The following TBC1D4 variants were observed in gnomAD, a reference collection of about 807,000 sequenced individuals.
The protein encoded by TBC1D4 is TBC1 domain family member 4.
TBC1D4 carries 121 observed loss-of-function variants against 142.5 expected under a neutral mutation model. That is an observed-to-expected ratio of 0.85 (90% CI 0.73 to 0.99). The LOEUF (loss-of-function observed/expected upper bound fraction) is 0.99, where lower values mean the gene tolerates loss of function less well. Among genes scored for constraint, TBC1D4 ranks in the 50% least tolerant of loss-of-function variants. The pLI is 0.00. For missense variants in TBC1D4, 1,475 were observed against 1,606.6 expected, an observed-to-expected ratio of 0.92 and a Z score of 1.40; for synonymous variants, 630 against 628.2, an observed-to-expected ratio of 1.00 and a Z score of -0.04.
At chr13:75,321,638 C>A (rs753373430) in intron 11 of TBC1D4, among the ~76,000 whole-genome samples, 2 of 152,104 alleles carry the variant, frequency 1.3e-5, no homozygotes, top group Non-Finnish European at 2.9e-5. Context: ...AAGTGACTTA[C>A]TAGTTCAGAT....
chr13:75,310,261 A>C, intron 13 of TBC1D4, 110 bp from the exon 14 acceptor site: 4 of 1,127,478 alleles, frequency 3.5e-6, no homozygotes, highest in Non-Finnish European at 5.2e-6. Context: ...AATGTCACAA[A>C]GCCGCTTTCC....
chr13:75,412,028 T>C (rs553452021), intron 1 of TBC1D4, among the ~76,000 whole-genome samples: 1 of 152,176 alleles, frequency 6.6e-6, no homozygotes, highest in Non-Finnish European at 1.5e-5. Context: ...TTCAAACAAG[T>C]TGGGGGGTAG....
In TBC1D4 at chr13:75,393,927, C is replaced by CA. The variant is rs57675298; in HGVS notation, c.499-31321dup. ...GGGCAACAAGAGCAAAACTCTGTCT[C>CA]AAAAAAAAAAAAACAAAAAAACAAA... is the stretch of plus-strand genomic sequence containing the variant. On this transcript the variant is annotated intron_variant, in intron 1 of 20. Coordinates refer to ENST00000377636, the MANE Select transcript of TBC1D4 (RefSeq NM_014832.5). Among the ~76,000 whole-genome samples, 314 of 135,946 alleles carry CA rather than the reference C, an allele frequency of 2.3e-3. 2 individuals are homozygous for CA. Among genetic ancestry groups the CA allele is most frequent in the East Asian group, 7.9e-3 (35 of 4,416 alleles). The allele number at this position is 135,946 out of a possible 152,430, so 89.2% of individuals were successfully genotyped here.
intron 1 of TBC1D4, among the ~76,000 whole-genome samples, chr13:75,366,675 C>T (rs1882928477): frequency 1.9e-5 from 1 of 53,282 alleles, no homozygotes; most frequent in African/African-American, 8.3e-5. Context: ...CAATTCCTCA[C>T]TCTAGACAAA....
chr13:75,304,085 T>C (rs1876898775), intron 15 of TBC1D4, among the ~76,000 whole-genome samples: 3 of 152,220 alleles, frequency 2.0e-5, no homozygotes, highest in Admixed American at 1.3e-4. Flanking sequence ...AAATGGTCCT[T>C]GAGAATAGCA....
intron 19 of TBC1D4, among the ~76,000 whole-genome samples, chr13:75,290,932 C>T (rs1875230002): frequency 6.6e-6 from 1 of 152,186 alleles, no homozygotes; most frequent in Non-Finnish European, 1.5e-5. Context: ...TATCGTCTTT[C>T]TGCCATCAAA....
intron 1 of TBC1D4, among the ~76,000 whole-genome samples, chr13:75,428,741 A>G (rs1438945298): frequency 1.3e-5 from 2 of 152,232 alleles, no homozygotes; most frequent in Non-Finnish European, 2.9e-5. Context: ...CAACATTGCA[A>G]AAGTCTTTGC....
chr13:75,419,277 C>A (rs1355817050), intron 1 of TBC1D4, among the ~76,000 whole-genome samples: 1 of 152,144 alleles, frequency 6.6e-6, no homozygotes, highest in Non-Finnish European at 1.5e-5. Context: ...AATCATTTGG[C>A]CTCTCTACCG....
intron 1 of TBC1D4, among the ~76,000 whole-genome samples, chr13:75,391,240 A>T (rs957328615): frequency 1.9e-4 from 28 of 150,146 alleles, no homozygotes; most frequent in African/African-American, 6.1e-4. Context: ...TTTATCTCTC[A>T]TCCTAAAAGA....
chr13:75,419,655 G>A (rs533300556), intron 1 of TBC1D4, among the ~76,000 whole-genome samples: 1 of 152,280 alleles, frequency 6.6e-6, no homozygotes, highest in South Asian at 2.1e-4. Flanking sequence ...CTTCCACAGA[G>A]GGAGGCTGAA....
chr13:75,348,939 T>TAGAG (rs755430210), intron 5 of TBC1D4, among the ~76,000 whole-genome samples: 60 of 131,208 alleles, frequency 4.6e-4, no homozygotes, highest in African/African-American at 1.7e-3. Flanking sequence ...GGAGAGAGAG[T>TAGAG]AGAGAGAGAG....
intron 8 of TBC1D4, among the ~76,000 whole-genome samples, chr13:75,332,366 C>A (rs1394037431): frequency 1.3e-5 from 2 of 152,186 alleles, no homozygotes; most frequent in Non-Finnish European, 2.9e-5. Flanking sequence ...GCAAATAATT[C>A]ATCCAAGATC....
At chr13:75,397,795 G>A (rs1884871717) in intron 1 of TBC1D4, among the ~76,000 whole-genome samples, 1 of 152,188 alleles carries the variant, frequency 6.6e-6, no homozygotes, top group African/African-American at 2.4e-5. Context: ...TCGTATAGTA[G>A]ACTAGAGATG....
intron 1 of TBC1D4, chr13:75,366,818 TAAAAC>T (rs1392410941): frequency 1.6e-5 from 8 of 501,460 alleles, no homozygotes; most frequent in African/African-American, 2.1e-5. Context: ...GATTTCAAAA[TAAAAC>T]AAATTCTACA....
chr13:75,383,308 G>GT (rs1481546739), intron 1 of TBC1D4, among the ~76,000 whole-genome samples: 36 of 152,306 alleles, frequency 2.4e-4, no homozygotes, highest in African/African-American at 8.7e-4. Context: ...GGGCAACAGA[G>GT]TGAGACCTTG....
chr13:75,406,959 T>C (rs1885375294), intron 1 of TBC1D4, among the ~76,000 whole-genome samples: 1 of 152,166 alleles, frequency 6.6e-6, no homozygotes. Context: ...CTAGTATTCA[T>C]ACCCTAGTGA....
chr13:75,445,126 C>A (rs927098904), intron 1 of TBC1D4, among the ~76,000 whole-genome samples: 1 of 152,084 alleles, frequency 6.6e-6, no homozygotes, highest in African/African-American at 2.4e-5. Context: ...CATACTACAC[C>A]GAAACTGGAA....
Position 75,286,826 on chromosome 13 carries a change from G to T in TBC1D4, c.3863C>A (p.Pro1288His), listed in dbSNP as rs1593851779. The T allele has an allele frequency of 6.2e-7, 1 of 1,613,832 alleles. No individual in the cohort carries two copies. Reference sequence around the variant, plus strand: ...ATTTCCTATCTTGGCTTTGTTGTTAGGGTTGCAGTTTAGGTCTCTCAGCAA... The same window carrying T: ...ATTTCCTATCTTGGCTTTGTTGTTATGGTTGCAGTTTAGGTCTCTCAGCAA... ...DLLLRDLNCN[P>H]NNKAKIGNKP The change falls in exon 21 of 21, where the codon CCT becomes CAT. Residue 1288 changes from proline (P) to histidine (H), a missense_variant. This residue lies in a region of TBC1D4 where 248 missense variants were observed against 338.9 expected (regional missense o/e 0.73). Coordinates refer to ENST00000377636, the MANE Select transcript of TBC1D4 (RefSeq NM_014832.5).
rs1490542149 is a variant in TBC1D4 at position 75,299,961 on chromosome 13, C to T, written c.2912-387G>A. Among the ~76,000 whole-genome samples, 3 of 151,902 alleles carry T rather than the reference C, an allele frequency of 2.0e-5. No individual in the cohort carries two copies. The East Asian group carries it at 5.8e-4, about 29-fold the overall frequency. ...CAAATTCTAATTCATATAAAGACTA[C>T]CTTCTAAATGAAACCAGAAGTCTGT... On this transcript the variant is annotated intron_variant, in intron 16 of 20. Coordinates refer to ENST00000377636, the MANE Select transcript of TBC1D4 (RefSeq NM_014832.5).
Sources: gnomAD v4.1 joint callset for allele counts (sites outside exome capture counted in the v4.1 genomes callset) on GRCh38, gnomAD v4.1.1 for gene constraint, gnomAD v4.1.1 regional missense constraint, MANE v1.5 for transcripts, NCBI Gene and HGNC (gene_info 2026-07-23, HGNC 2026-07-21) for gene names.